Variants in MYO6 observed in about 807,000 individuals in gnomAD.
The protein encoded by MYO6 is myosin VI.
In MYO6, 74 loss-of-function variants were observed where a neutral mutation model predicts 178.7. The observed-to-expected ratio is 0.41, with a 90% CI of 0.34 to 0.50. MYO6 has a LOEUF of 0.50. Among genes scored for constraint, MYO6 ranks in the 20% least tolerant of loss-of-function variants. The pLI is 0.09. For synonymous variants in MYO6, 477 were observed against 504.6 expected, an observed-to-expected ratio of 0.95 and a Z score of 0.73; for missense variants, 1,330 against 1,547.4, an observed-to-expected ratio of 0.86 and a Z score of 2.36.
intron 30 of MYO6, among the ~76,000 whole-genome samples, chr6:75,906,491 C>G (rs1780334592): frequency 6.6e-6 from 1 of 152,008 alleles, no homozygotes; most frequent in African/African-American, 2.4e-5. Context: ...GCCTGGGCAA[C>G]ATGGCAAGAC....
chr6:75,885,558 C>T (rs1275370808), intron 23 of MYO6, among the ~76,000 whole-genome samples: 2 of 152,148 alleles, frequency 1.3e-5, no homozygotes, highest in East Asian at 1.9e-4. Context: ...ACGCCATTCT[C>T]CTGCCTCAGC....
At chr6:75,851,248 T>A (rs1023397496) in intron 11 of MYO6, among the ~76,000 whole-genome samples, 9 of 152,204 alleles carry the variant, frequency 5.9e-5, no homozygotes, top group Non-Finnish European at 1.2e-4. Flanking sequence ...TAATGCTATT[T>A]GCGTTATCTC....
chr6:75,865,504 C>CT (rs1450999679), intron 16 of MYO6, among the ~76,000 whole-genome samples: 5 of 151,386 alleles, frequency 3.3e-5, no homozygotes, highest in Non-Finnish European at 7.4e-5. Flanking sequence ...GCTGGGACTG[C>CT]AGGCCTGCTC....
chr6:75,805,259 C>A (rs966617063), intron 1 of MYO6, among the ~76,000 whole-genome samples: 2 of 151,780 alleles, frequency 1.3e-5, no homozygotes, highest in East Asian at 1.9e-4. Flanking sequence ...CCTGCCTCGG[C>A]CTCCCAAAGT....
At chr6:75,828,725 C>T (rs1487288445) in intron 4 of MYO6, 112 bp downstream of exon 4, 3 of 772,744 alleles carry the variant, frequency 3.9e-6, no homozygotes, top group African/African-American at 1.7e-5. Context: ...TTGATCTGAG[C>T]CTCTTGAATA....
At chr6:75,829,203 T>C (rs943884521) in intron 4 of MYO6, among the ~76,000 whole-genome samples, 1 of 152,080 alleles carries the variant, frequency 6.6e-6, no homozygotes, top group Non-Finnish European at 1.5e-5. Context: ...TGAAAGAAAA[T>C]GCTTTCAGTG....
chr6:75,895,895 A>C (rs1779265535), intron 29 of MYO6, among the ~76,000 whole-genome samples: 1 of 152,114 alleles, frequency 6.6e-6, no homozygotes, highest in Admixed American at 6.6e-5. Context: ...TAATAATAAA[A>C]TATTTGATTT....
intron 1 of MYO6, among the ~76,000 whole-genome samples, chr6:75,810,521 A>T (rs1770593322): frequency 6.6e-6 from 1 of 152,156 alleles, no homozygotes; most frequent in Admixed American, 6.5e-5. Flanking sequence ...AGGGGGGTAT[A>T]ATGAGGCATG....
intron 16 of MYO6, among the ~76,000 whole-genome samples, chr6:75,862,928 G>A (rs1776324524): frequency 6.6e-6 from 1 of 152,052 alleles, no homozygotes; most frequent in African/African-American, 2.4e-5. Flanking sequence ...TTTCTCTGAT[G>A]AAAAGTACAT....
intron 15 of MYO6, among the ~76,000 whole-genome samples, chr6:75,862,151 A>G (rs867772652): frequency 2.0e-4 from 30 of 152,352 alleles, no homozygotes; most frequent in South Asian, 1.4e-3. Context: ...AAACGAATGG[A>G]AAGAGCGTAA....
intron 1 of MYO6, among the ~76,000 whole-genome samples, chr6:75,760,867 T>C (rs1434700441): frequency 6.6e-6 from 1 of 152,196 alleles, no homozygotes; most frequent in Non-Finnish European, 1.5e-5. Flanking sequence ...TTGAGGCTCT[T>C]AGTTTTTCCA....
chr6:75,913,989 G>T, intron 33 of MYO6, 74 bp from the exon 34 acceptor site: 3 of 1,316,782 alleles, frequency 2.3e-6, no homozygotes, highest in Non-Finnish European at 3.2e-6. Context: ...AATTATTGGG[G>T]TATATTTTAG....
chr6:75,883,091 CA>C, intron 23 of MYO6, among the ~76,000 whole-genome samples: 1 of 152,084 alleles, frequency 6.6e-6, no homozygotes, highest in Non-Finnish European at 1.5e-5. Flanking sequence ...TATACATACA[CA>C]ATGTTTACCC....
chr6:75,779,870 T>C (rs1015936368), intron 1 of MYO6, among the ~76,000 whole-genome samples: 1 of 152,234 alleles, frequency 6.6e-6, no homozygotes, highest in Non-Finnish European at 1.5e-5. Context: ...ATTCTTGCTG[T>C]TATCCCATCT....
intron 18 of MYO6, chr6:75,867,378 T>A: frequency 3.2e-6 from 1 of 314,098 alleles, no homozygotes; most frequent in Non-Finnish European, 6.0e-6. Context: ...ACTGTCTGGT[T>A]GACCTTCAAA....
intron 1 of MYO6, among the ~76,000 whole-genome samples, chr6:75,786,517 G>A (rs1310546248): frequency 1.3e-5 from 2 of 152,100 alleles, no homozygotes; most frequent in African/African-American, 2.4e-5. Flanking sequence ...TCTCACCTAA[G>A]GTCATAGTGT....
intron 1 of MYO6, among the ~76,000 whole-genome samples, chr6:75,751,591 C>G (rs572574827): frequency 6.6e-6 from 1 of 152,176 alleles, no homozygotes; most frequent in African/African-American, 2.4e-5. Context: ...GGATTTTTCC[C>G]TGTTTATGTT....
intron 27 of MYO6, 93 bp downstream of exon 27, chr6:75,891,399 G>C: frequency 1.2e-6 from 1 of 836,366 alleles, no homozygotes; most frequent in Non-Finnish European, 1.9e-6. Flanking sequence ...TTGGGAGGCC[G>C]AGGCGGGCGG....
At chr6:75,866,191 A>T (rs1230588236) in intron 16 of MYO6, among the ~76,000 whole-genome samples, 4 of 151,904 alleles carry the variant, frequency 2.6e-5, no homozygotes, top group Admixed American at 6.5e-5. Flanking sequence ...ATGTGCTTTT[A>T]AAAAAAAATT....
Sources: allele counts gnomAD v4.1 joint callset (sites outside exome capture counted in the v4.1 genomes callset), GRCh38; gene constraint gnomAD v4.1.1; transcripts MANE v1.5; gene names NCBI Gene and HGNC (gene_info 2026-07-23, HGNC 2026-07-21).